The following NFRKB variants were observed in gnomAD, a reference collection of about 807,000 sequenced individuals.
The protein encoded by NFRKB is nuclear factor related to kappaB binding protein, also known as nuclear factor related to kappa-B-binding protein.
In NFRKB, 62 loss-of-function variants were observed where a neutral mutation model predicts 135.7. The ratio of observed to expected loss-of-function variants is 0.46; its 90% CI spans 0.37 to 0.56. The LOEUF (loss-of-function observed/expected upper bound fraction) is 0.56, where lower values mean the gene tolerates loss of function less well. Among genes scored for constraint, NFRKB ranks in the 20% least tolerant of loss-of-function variants. The probability of loss-of-function intolerance (pLI) is 0.00; values close to 1 mark genes in which losing one functional copy is unlikely to be tolerated. For synonymous variants in NFRKB, 678 were observed against 635.6 expected, an observed-to-expected ratio of 1.07 and a Z score of -1.00; for missense variants, 1,545 against 1,662.0, an observed-to-expected ratio of 0.93 and a Z score of 1.22.
chr11:129,869,962 A>G lies in NFRKB; in HGVS notation c.3063T>C (p.Asp1021=). ...TGGCTGAACTGGCCTTGGCAGGGCT[A>G]TCAGCTGCATGTACTGGATTGGAAG... ...HVTSNPVHAA[D]SPAKASSASA... The change falls in exon 24 of 27, where the codon GAT becomes GAC. Residue 1021 remains aspartate (D), a synonymous_variant. Coordinates refer to ENST00000682444, the MANE Select transcript of NFRKB (RefSeq NM_001143835.2). 1 of 1,614,256 alleles carries G rather than the reference A, an allele frequency of 6.2e-7. No individual in the cohort carries two copies. Among genetic ancestry groups the G allele is most frequent in the Non-Finnish European group, 8.5e-7 (1 of 1,180,038 alleles).
At chr11:129,875,920 G>T (rs553121796) in intron 17 of NFRKB, among the ~76,000 whole-genome samples, 1 of 152,216 alleles carries the variant, frequency 6.6e-6, no homozygotes. Context: ...GCCTCCCAAA[G>T]TGCTGGGATT....
At position 129,886,359 on chromosome 11, in the gene NFRKB, C is replaced by G; in HGVS notation, c.423G>C (p.Gln141His). ...TTTGCTTCAGCAGCCGATGGAAATA[C>G]TGCTGCTGGGAGTTGAGGTAGCGCT... The part of the protein sequence containing the change: ...QYKRYLNSQQ[Q>H]YFHRLLKQIL... The change falls in exon 5 of 27, where the codon CAG becomes CAC. Residue 141 changes from glutamine to histidine, a missense_variant. Gln to His is a conservative substitution (Grantham distance 24, BLOSUM62 0). Transcript: ENST00000682444. 6.2e-7 allele frequency: 1 copy of G among 1,614,190 alleles called. No homozygotes were observed. The highest frequency in any genetic ancestry group is 8.5e-7 in the Non-Finnish European group (1 of 1,180,044).
chr11:129,874,982 T>C lies in NFRKB; in HGVS notation c.1855-66A>G. 1.1e-5 allele frequency: 17 copies of C among 1,590,076 alleles called. No individual in the cohort carries two copies. Among genetic ancestry groups the C allele is most frequent in the South Asian group, 2.2e-5 (2 of 89,804 alleles). On this transcript the variant is annotated intron_variant, in intron 18 of 26. Coordinates refer to ENST00000682444, the MANE Select transcript of NFRKB (RefSeq NM_001143835.2). This position sits in a 1 kb window ranked among gnomAD's most constrained non-coding sequence, Gnocchi z 4.5. The stretch of plus-strand genomic sequence containing the variant: ...TAGATAACAGAAGTTATTTGAACTC[T>C]AGGAAAAAAATGTCATTGTATCTAA...
chr11:129,892,412 G>A (rs1041769043), intron 3 of NFRKB, among the ~76,000 whole-genome samples: 3 of 152,008 alleles, frequency 2.0e-5, no homozygotes, highest in Non-Finnish European at 4.4e-5. Context: ...AGTATTCCAT[G>A]GTTAAAATAC....
chr11:129,873,041 C>T lies in NFRKB; in HGVS notation c.2606G>A (p.Arg869Gln), dbSNP rs757611075. Residue 869 changes from arginine to glutamine, a missense_variant, in exon 23 of 27, where the codon CGG becomes CAG. By Grantham distance (43) the Arg-to-Gln change is conservative. Coordinates refer to ENST00000682444, the MANE Select transcript of NFRKB (RefSeq NM_001143835.2). ...GAGCCCTGTCTGCCCGGGTCCAGGC[C>T]GCTGCACAGTGGCTGCCGTAGTCTG... ...KAQTTAATVQ[R>Q]PGPGQTGLTV... is the part of the protein sequence containing the mutation. 35 of 1,613,814 alleles carry T rather than the reference C, an allele frequency of 2.2e-5. No homozygotes were observed. The highest frequency in any genetic ancestry group is 1.6e-4 in the Middle Eastern group (1 of 6,080).
chr11:129,878,381 G>T, intron 14 of NFRKB, 26 bp from the exon 15 acceptor site: 2 of 1,613,976 alleles, frequency 1.2e-6, no homozygotes, highest in Non-Finnish European at 1.7e-6. Context: ...ACGTTGACAG[G>T]TAAATGGACT....
chr11:129,884,090 C>CGTG lies in NFRKB; in HGVS notation c.793_795dup (p.His265dup). On this transcript the variant is annotated inframe_insertion, in exon 8 of 27. Coordinates refer to ENST00000682444, the MANE Select transcript of NFRKB (RefSeq NM_001143835.2). Reference sequence around the variant, plus strand: ...CTTACTGGCTGATGTTTCCGCTTCTCGTGGTGCTTCTTTAACATTATCTTC... The same window carrying CGTG: ...CTTACTGGCTGATGTTTCCGCTTCTCGTGGTGGTGCTTCTTTAACATTATCTTC... The CGTG allele has an allele frequency of 6.2e-7, 1 of 1,614,212 alleles. No homozygotes were observed. Among genetic ancestry groups the CGTG allele is most frequent in the South Asian group, 1.1e-5 (1 of 91,090 alleles).
intron 8 of NFRKB, among the ~76,000 whole-genome samples, chr11:129,883,571 A>G (rs1949130209): frequency 6.6e-6 from 1 of 152,228 alleles, no homozygotes; most frequent in African/African-American, 2.4e-5. Flanking sequence ...AGAACTCAGT[A>G]CTGACTTCTG....
intron 23 of NFRKB, 112 bp downstream of exon 23, chr11:129,872,772 A>G: frequency 8.9e-7 from 1 of 1,126,872 alleles, no homozygotes; most frequent in Non-Finnish European, 1.3e-6. Context: ...TGAGAGTCGA[A>G]GATGACAAAT....
Position 129,864,862 on chromosome 11 carries a change from G to C in NFRKB, c.3775-12C>G, listed in dbSNP as rs12799223. Reference sequence around the variant, plus strand: ...GTCTGGATGCGCACCTGTTTGCAAAGACAGAAGGTCAGGTCAATGGATTGC... The same window carrying C: ...GTCTGGATGCGCACCTGTTTGCAAACACAGAAGGTCAGGTCAATGGATTGC... On this transcript the variant is annotated splice_polypyrimidine_tract_variant and intron_variant, in intron 26 of 26. Coordinates refer to ENST00000682444, the MANE Select transcript of NFRKB (RefSeq NM_001143835.2). 6.2e-7 allele frequency: 1 copy of C among 1,614,200 alleles called. No homozygotes were observed. Among genetic ancestry groups the C allele is most frequent in the East Asian group, 2.2e-5 (1 of 44,892 alleles).
intron 24 of NFRKB, 58 bp downstream of exon 24, chr11:129,869,436 T>G: frequency 1.1e-5 from 16 of 1,512,476 alleles, no homozygotes; most frequent in Non-Finnish European, 1.3e-5. Context: ...AATGGGCAGT[T>G]GAGCCTTGAT....
At chr11:129,884,382 T>C (rs1345796809) in intron 7 of NFRKB, among the ~76,000 whole-genome samples, 1 of 152,224 alleles carries the variant, frequency 6.6e-6, no homozygotes, top group Non-Finnish European at 1.5e-5. Context: ...CTTTGCTTCC[T>C]GTTCCAAACA....
At position 129,893,536 on chromosome 11, in the gene NFRKB, G is replaced by A. The variant is rs192988691; in HGVS notation, c.-21-666C>T. Among the ~76,000 whole-genome samples, 489 of 151,006 alleles carry A rather than the reference G, an allele frequency of 3.2e-3. 5 individuals are homozygous for A. Among genetic ancestry groups the A allele is most frequent in the African/African-American group, 0.011 (463 of 41,030 alleles). On this transcript the variant is annotated intron_variant, in intron 2 of 26. Transcript: ENST00000682444. ...GATCACGCTACTGCACTCCAGCCTG[G>A]GCAACAGAGACCCTGTCTCAAAAAA...
Position 129,881,796 on chromosome 11 carries a change from A to ACC in NFRKB, c.1247_1248dup (p.Phe417GlyfsTer56). On this transcript the variant is annotated frameshift_variant, in exon 12 of 27. Transcript: ENST00000682444. LOFTEE classifies it high-confidence loss of function. ...TCAGCCCAGTTGGGGGCCGCAGAGA[A>ACC]CCAGCTGTTGAGGGAGCTGGCTGGC... 6.2e-7 allele frequency: 1 copy of ACC among 1,613,822 alleles called. No individual in the cohort carries two copies. Among genetic ancestry groups the ACC allele is most frequent in the African/African-American group, 1.3e-5 (1 of 75,000 alleles).
intron 15 of NFRKB, 91 bp downstream of exon 15, chr11:129,878,218 T>C: frequency 7.2e-7 from 1 of 1,379,728 alleles, no homozygotes; most frequent in African/African-American, 1.5e-5. Context: ...CCATTACAGC[T>C]CTAGCATACC....
intron 15 of NFRKB, among the ~76,000 whole-genome samples, chr11:129,877,623 G>A (rs1474333200): frequency 2.6e-5 from 4 of 152,214 alleles, no homozygotes; most frequent in Non-Finnish European, 5.9e-5. Context: ...ATGGACAAGA[G>A]GCTGACATCT....
intron 3 of NFRKB, among the ~76,000 whole-genome samples, chr11:129,890,818 T>C (rs893565989): frequency 6.6e-6 from 1 of 152,160 alleles, no homozygotes; most frequent in African/African-American, 2.4e-5. Context: ...CATTATTGAG[T>C]AGAGGGTTAC....
At chr11:129,893,623 T>C (rs1406785025) in intron 2 of NFRKB, among the ~76,000 whole-genome samples, 2 of 151,996 alleles carry the variant, frequency 1.3e-5, no homozygotes, top group Non-Finnish European at 2.9e-5. Flanking sequence ...AAAAGAAAAT[T>C]TGCTGAAAAT....
chr11:129,882,664 T>C, intron 9 of NFRKB, 33 bp from the exon 10 acceptor site: 2 of 1,601,632 alleles, frequency 1.2e-6, no homozygotes, highest in South Asian at 1.1e-5. Context: ...GTCACAGAAA[T>C]GTATCTCCTA....
Sources: gnomAD v4.1 joint callset for allele counts (sites outside exome capture counted in the v4.1 genomes callset) on GRCh38, gnomAD v4.1.1 for gene constraint, Gnocchi (gnomAD v3.1) non-coding constraint, MANE v1.5 for transcripts, NCBI Gene and HGNC (gene_info 2026-07-23, HGNC 2026-07-21) for gene names.